ST18: variants seen among roughly 807,000 people sequenced by gnomAD.
ST18 encodes ST18 C2H2C-type zinc finger transcription factor, also known as suppression of tumorigenicity 18 protein.
ST18 carries 50 observed loss-of-function variants against 110.0 expected under a neutral mutation model. That is an observed-to-expected ratio of 0.45 (90% confidence interval 0.36 to 0.58). ST18 has a LOEUF of 0.58. Among genes scored for constraint, ST18 ranks in the 20% least tolerant of loss-of-function variants. ST18 has a pLI of 0.00. For synonymous variants in ST18, 461 were observed against 452.4 expected (o/e 1.02, Z -0.24); for missense variants, 1,306 against 1,280.1 (o/e 1.02, Z -0.31).
intron 2 of ST18, among the ~76,000 whole-genome samples, chr8:52,258,359 A>G (rs1672233788): frequency 6.6e-6 from 1 of 152,186 alleles, no homozygotes. Flanking sequence ...TCTGTGCATC[A>G]CTTTGGGTAG....
chr8:52,307,569 TAAAAGCA>T (rs2095835476), intron 2 of ST18, among the ~76,000 whole-genome samples: 1 of 152,190 alleles, frequency 6.6e-6, no homozygotes, highest in Admixed American at 6.5e-5. Flanking sequence ...TTCTGATTTA[TAAAAGCA>T]ATAAGCAGAC....
intron 2 of ST18, among the ~76,000 whole-genome samples, chr8:52,371,268 G>C (rs990045247): frequency 1.3e-5 from 2 of 152,204 alleles, no homozygotes; most frequent in African/African-American, 2.4e-5. Context: ...ATAATATTGA[G>C]AGAATTTAAT....
chr8:52,172,411 A>C lies in ST18; in HGVS notation c.450T>G (p.Asn150Lys). ...CTTTTAAAGACTGGATGCCACTGTC[A>C]TTTAAATTTTCACTTACAGTCTGAA... ...VSVQTVSENL[N>K]DSGIQSLKAE... is the part of the protein sequence containing the mutation. Residue 150 changes from asparagine to lysine, a missense_variant, in exon 10 of 26, where the codon AAT becomes AAG. Asn to Lys is a moderately conservative substitution (Grantham distance 94). Transcript: ENST00000689386. 3 of 1,614,050 alleles carry C rather than the reference A, an allele frequency of 1.9e-6. No individual in the cohort carries two copies. The highest frequency in any genetic ancestry group is 2.5e-6 in the Non-Finnish European group (3 of 1,180,042).
At chr8:52,330,898 C>T (rs1808985139) in intron 2 of ST18, among the ~76,000 whole-genome samples, 1 of 152,112 alleles carries the variant, frequency 6.6e-6, no homozygotes, top group Admixed American at 6.5e-5. Context: ...AGAAGGAGCG[C>T]CTAAGAGGCA....
intron 15 of ST18, among the ~76,000 whole-genome samples, chr8:52,153,108 T>C (rs2059215556): frequency 1.3e-5 from 2 of 152,234 alleles, no homozygotes. Flanking sequence ...AATGACAACA[T>C]TATATTGTTT....
At chr8:52,388,819 G>T (rs1452229081) in intron 2 of ST18, among the ~76,000 whole-genome samples, 1 of 120,354 alleles carries the variant, frequency 8.3e-6, no homozygotes, top group Admixed American at 9.8e-5. Flanking sequence ...CTGTTGTGGG[G>T]TGGGGGGAGG....
chr8:52,171,890 T>C lies in ST18; in HGVS notation c.971A>G (p.Tyr324Cys). ...CAGCAGGAACCTATCCAGCTCTTTGTAGGTGTTATGGAAAACACAACCTCG... is the reference window on the plus strand; with the variant it reads ...CAGCAGGAACCTATCCAGCTCTTTGCAGGTGTTATGGAAAACACAACCTCG... ...AERGCVFHNT[Y>C]KELDRFLLEH... The change falls in exon 10 of 26, where the codon TAC (tyrosine) becomes TGC (cysteine). Residue 324 changes from tyrosine to cysteine, a missense_variant. Tyr to Cys is a radical substitution (Grantham distance 194, BLOSUM62 -2). Coordinates refer to ENST00000689386, the MANE Select transcript of ST18 (RefSeq NM_001352837.2). The C allele has an allele frequency of 1.9e-6, 3 of 1,614,230 alleles. No individual in the cohort carries two copies. The highest frequency in any genetic ancestry group is 1.6e-4 in the Middle Eastern group (1 of 6,062).
At chr8:52,203,000 C>T (rs1195384848) in intron 8 of ST18, among the ~76,000 whole-genome samples, 1 of 152,030 alleles carries the variant, frequency 6.6e-6, no homozygotes, top group African/African-American at 2.4e-5. Context: ...TAGCTGAATA[C>T]TTCAAGAGGT....
intron 2 of ST18, among the ~76,000 whole-genome samples, chr8:52,300,251 C>T (rs987565312): frequency 2.6e-5 from 4 of 152,070 alleles, no homozygotes; most frequent in African/African-American, 9.7e-5. Context: ...CTTATTAAGC[C>T]AGGTAGTCAG....
chr8:52,343,834 T>C (rs1816378326), intron 2 of ST18, among the ~76,000 whole-genome samples: 1 of 152,218 alleles, frequency 6.6e-6, no homozygotes, highest in Admixed American at 6.5e-5. Context: ...TAAGTACTTA[T>C]TTATATTTTC....
chr8:52,364,237 C>T lies in ST18; in HGVS notation c.-465+45091G>A, dbSNP rs528243437. Among the ~76,000 whole-genome samples the T allele has an allele frequency of 3.3e-5, 5 of 152,104 alleles. No individual in the cohort carries two copies. In the East Asian group the frequency reaches 9.7e-4, roughly 29 times the overall value. The stretch of plus-strand genomic sequence containing the variant: ...ATGTATTTCTTATTTTATAGCTAAC[C>T]TTTGCTTTTTTTTCATCCTCTAGTA... On this transcript the variant is annotated intron_variant, in intron 2 of 25. Transcript: ENST00000689386.
intron 8 of ST18, among the ~76,000 whole-genome samples, chr8:52,198,542 C>T (rs2076923632): frequency 6.6e-6 from 1 of 152,176 alleles, no homozygotes; most frequent in Non-Finnish European, 1.5e-5. Flanking sequence ...TTTAACAGAA[C>T]TCGCTAACAT....
At chr8:52,181,781 C>T (rs1444743447) in intron 8 of ST18, among the ~76,000 whole-genome samples, 1 of 152,110 alleles carries the variant, frequency 6.6e-6, no homozygotes, top group Admixed American at 6.5e-5. Flanking sequence ...AAGGAAAATA[C>T]AAGTCCACAC....
chr8:52,201,910 C>G (rs890511165), intron 8 of ST18, among the ~76,000 whole-genome samples: 5 of 152,206 alleles, frequency 3.3e-5, no homozygotes, highest in African/African-American at 1.2e-4. Flanking sequence ...GGGCATCTCC[C>G]TTGTATGTCT....
chr8:52,359,944 G>A (rs765775633), intron 2 of ST18, among the ~76,000 whole-genome samples: 9 of 152,096 alleles, frequency 5.9e-5, no homozygotes, highest in Non-Finnish European at 8.8e-5. Flanking sequence ...TTTGAGATAA[G>A]AATAGATATA....
At chr8:52,318,659 A>G (rs535329220) in intron 2 of ST18, among the ~76,000 whole-genome samples, 7 of 152,320 alleles carry the variant, frequency 4.6e-5, no homozygotes, top group South Asian at 4.1e-4. Context: ...ATGCCCATCA[A>G]TGATAAGATG....
At chr8:52,205,690 C>G (rs1027719068) in intron 8 of ST18, among the ~76,000 whole-genome samples, 1 of 152,112 alleles carries the variant, frequency 6.6e-6, no homozygotes, top group Non-Finnish European at 1.5e-5. Context: ...GCTTCAGCCA[C>G]CTGAGTAGAT....
intron 2 of ST18, among the ~76,000 whole-genome samples, chr8:52,274,335 G>C (rs182116170): frequency 6.6e-6 from 1 of 151,952 alleles, no homozygotes; most frequent in Non-Finnish European, 1.5e-5. Flanking sequence ...AATGTTTTAC[G>C]TAGATAAGAC....
chr8:52,344,375 A>C (rs2140241245), intron 2 of ST18, among the ~76,000 whole-genome samples: 1 of 150,418 alleles, frequency 6.6e-6, no homozygotes, highest in African/African-American at 2.4e-5. Flanking sequence ...AAATGCAGTA[A>C]ATCTGATTAA....
Sources: allele counts gnomAD v4.1 joint callset (sites outside exome capture counted in the v4.1 genomes callset), GRCh38; gene constraint gnomAD v4.1.1; transcripts MANE v1.5; gene names NCBI Gene and HGNC (gene_info 2026-07-23, HGNC 2026-07-21).